The following RHPN2 variants were observed in gnomAD, a reference collection of about 807,000 sequenced individuals.
RHPN2 encodes rhophilin Rho GTPase binding protein 2.
Under a neutral mutation model 79.0 loss-of-function variants are expected in RHPN2, and 40 were observed. The observed-to-expected ratio is 0.51, with a 90% CI of 0.39 to 0.66. The LOEUF (loss-of-function observed/expected upper bound fraction) is 0.66, where lower values mean the gene tolerates loss of function less well. RHPN2 is among the 30% of genes least tolerant of loss of function. The pLI, the probability that RHPN2 is intolerant of heterozygous loss-of-function variation, is 0.00. For synonymous variants in RHPN2, 285 were observed against 363.5 expected, an observed-to-expected ratio of 0.78 and a Z score of 2.46; for missense variants, 686 against 883.5, an observed-to-expected ratio of 0.78 and a Z score of 2.83.
intron 2 of RHPN2, among the ~76,000 whole-genome samples, chr19:33,039,985 C>T (rs577557262): frequency 3.3e-5 from 5 of 152,012 alleles, no homozygotes; most frequent in Admixed American, 6.6e-5. Flanking sequence ...CCAGACAGGG[C>T]ATATGCTGTG....
At chr19:33,057,339 T>C (rs1972242330) in intron 1 of RHPN2, among the ~76,000 whole-genome samples, 1 of 150,864 alleles carries the variant, frequency 6.6e-6, no homozygotes, top group Non-Finnish European at 1.5e-5. Context: ...CAACACCCTG[T>C]CAAAAAAGAA....
At chr19:33,062,223 G>A (rs1403310233) in intron 1 of RHPN2, among the ~76,000 whole-genome samples, 1 of 152,088 alleles carries the variant, frequency 6.6e-6, no homozygotes, top group African/African-American at 2.4e-5. Flanking sequence ...CACTTTAGGA[G>A]GCCGAGGTGG....
chr19:32,989,873 G>A (rs1971640742), intron 14 of RHPN2, among the ~76,000 whole-genome samples: 1 of 152,184 alleles, frequency 6.6e-6, no homozygotes, highest in African/African-American at 2.4e-5. Flanking sequence ...GGGAGGCCGA[G>A]GCTGGCAGAT....
chr19:32,993,160 A>G (rs1971674600), intron 12 of RHPN2, among the ~76,000 whole-genome samples: 1 of 151,698 alleles, frequency 6.6e-6, no homozygotes, highest in Non-Finnish European at 1.5e-5. Flanking sequence ...TAAATAGACA[A>G]TACCTAAAAA....
At chr19:32,998,390 C>A (rs1330158848) in intron 10 of RHPN2, among the ~76,000 whole-genome samples, 10 of 152,200 alleles carry the variant, frequency 6.6e-5, no homozygotes, top group Non-Finnish European at 1.5e-4. Context: ...TGCCTGTAAA[C>A]CCAGCACTTT....
intron 4 of RHPN2, among the ~76,000 whole-genome samples, chr19:33,013,305 G>C (rs112952532): frequency 6.0e-5 from 9 of 151,192 alleles, no homozygotes; most frequent in Admixed American, 3.3e-4. Flanking sequence ...AGTGATTCTC[G>C]TGCCTCAGCC....
chr19:32,997,989 C>T (rs761450117), intron 10 of RHPN2, among the ~76,000 whole-genome samples: 3 of 152,128 alleles, frequency 2.0e-5, no homozygotes, highest in East Asian at 1.9e-4. Context: ...GCGGACCTCA[C>T]GCGTGTGAGA....
At chr19:32,991,687 A>T in intron 13 of RHPN2, 136 bp downstream of exon 13, 5 of 1,034,450 alleles carry the variant, frequency 4.8e-6, no homozygotes, top group Non-Finnish European at 7.3e-6. Flanking sequence ...GTAAAAATTA[A>T]TCCTTTTCTT....
intron 2 of RHPN2, among the ~76,000 whole-genome samples, chr19:33,041,969 G>A (rs1972103870): frequency 6.6e-6 from 1 of 151,910 alleles, no homozygotes; most frequent in Non-Finnish European, 1.5e-5. Context: ...GATCACTTGA[G>A]GCCAAGACTT....
intron 2 of RHPN2, among the ~76,000 whole-genome samples, chr19:33,040,879 A>G (rs943205916): frequency 5.3e-5 from 8 of 152,114 alleles, no homozygotes; most frequent in African/African-American, 1.9e-4. Flanking sequence ...ACTTGAATCC[A>G]GGAGGTGGAG....
At chr19:32,982,020 C>T (rs1971579158) in intron 14 of RHPN2, among the ~76,000 whole-genome samples, 5 of 152,064 alleles carry the variant, frequency 3.3e-5, no homozygotes, top group African/African-American at 7.2e-5. Flanking sequence ...TTGTTTAGTT[C>T]GCCACATGTT....
intron 2 of RHPN2, among the ~76,000 whole-genome samples, chr19:33,043,673 T>C (rs748397301): frequency 6.6e-6 from 1 of 152,316 alleles, no homozygotes; most frequent in Non-Finnish European, 1.5e-5. Flanking sequence ...TTGCATTTCG[T>C]TGCCTGGAGA....
chr19:33,025,951 T>A (rs1971962167), intron 3 of RHPN2, among the ~76,000 whole-genome samples: 1 of 152,044 alleles, frequency 6.6e-6, no homozygotes, highest in South Asian at 2.1e-4. Context: ...ATCACGTATA[T>A]TTACACTAGA....
intron 2 of RHPN2, among the ~76,000 whole-genome samples, chr19:33,027,861 A>T (rs1971980781): frequency 6.6e-6 from 1 of 152,202 alleles, no homozygotes; most frequent in Non-Finnish European, 1.5e-5. Flanking sequence ...GAATTTATGA[A>T]ATCTGATAAA....
intron 2 of RHPN2, among the ~76,000 whole-genome samples, chr19:33,034,916 T>G (rs972084269): frequency 6.6e-6 from 1 of 151,810 alleles, no homozygotes; most frequent in African/African-American, 2.4e-5. Context: ...CGAAGCAACA[T>G]AGTGAGACCC....
At chr19:32,996,909 A>G (rs1339077545) in intron 10 of RHPN2, among the ~76,000 whole-genome samples, 2 of 151,966 alleles carry the variant, frequency 1.3e-5, no homozygotes, top group Non-Finnish European at 2.9e-5. Context: ...TATATTTTAT[A>G]TTTAGAGACA....
At chr19:32,997,915 T>A (rs753472679) in intron 10 of RHPN2, among the ~76,000 whole-genome samples, 27 of 152,198 alleles carry the variant, frequency 1.8e-4, no homozygotes, top group Non-Finnish European at 3.1e-4. Flanking sequence ...AGCTAGGGTG[T>A]GCCTGGAGGC....
chr19:33,044,719 C>A (rs1972128115), intron 1 of RHPN2, among the ~76,000 whole-genome samples: 1 of 152,060 alleles, frequency 6.6e-6, no homozygotes, highest in South Asian at 2.1e-4. Flanking sequence ...ATGGTGAAAC[C>A]CTGTTTCTAC....
In RHPN2 at chr19:33,002,326, G is replaced by A. The variant is rs1971755893; in HGVS notation, c.1026C>T (p.Ala342=). 3 of 1,613,972 alleles carry A rather than the reference G, an allele frequency of 1.9e-6. No homozygotes were observed. The highest frequency in any genetic ancestry group is 2.2e-5 in the East Asian group (1 of 44,866). Residue 342 remains alanine (A), a synonymous_variant, in exon 9 of 15, where the codon GCC becomes GCT. Coordinates refer to ENST00000254260, the MANE Select transcript of RHPN2 (RefSeq NM_033103.5). ...PVKENIPYSW[A]SLACVKAHHY... Reference sequence around the variant, plus strand: ...GGTGGGCCTTCACGCAGGCTAAGCTGGCCCAGGAGTAGGGGATGTTCTCTT... The same window carrying A: ...GGTGGGCCTTCACGCAGGCTAAGCTAGCCCAGGAGTAGGGGATGTTCTCTT...
Sources: allele counts gnomAD v4.1 joint callset (sites outside exome capture counted in the v4.1 genomes callset), GRCh38; gene constraint gnomAD v4.1.1; transcripts MANE v1.5; gene names NCBI Gene and HGNC (gene_info 2026-07-23, HGNC 2026-07-21).